Variants in CDH13 observed in about 807,000 individuals in gnomAD.
CDH13 encodes the protein cadherin-13.
In CDH13, 24 loss-of-function variants were observed where a neutral mutation model predicts 63.8. That is an observed-to-expected ratio of 0.38 (90% confidence interval 0.27 to 0.53). The LOEUF (loss-of-function observed/expected upper bound fraction) is 0.53, where lower values mean the gene tolerates loss of function less well. Among genes scored for constraint, CDH13 ranks in the 20% least tolerant of loss-of-function variants. The probability of loss-of-function intolerance (pLI) is 0.85; values close to 1 mark genes in which losing one functional copy is unlikely to be tolerated. For synonymous variants in CDH13, 503 were observed against 355.3 expected (o/e 1.42, Z -4.67); for missense variants, 1,049 against 903.1 (o/e 1.16, Z -2.07).
intron 3 of CDH13, among the ~76,000 whole-genome samples, chr16:83,091,826 A>G (rs1354334886): frequency 2.6e-5 from 4 of 152,298 alleles, no homozygotes; most frequent in Non-Finnish European, 5.9e-5. Context: ...TTGTTTCATG[A>G]TTCATTTTTT....
chr16:82,841,218 G>A (rs942612874), intron 1 of CDH13, among the ~76,000 whole-genome samples: 2 of 152,152 alleles, frequency 1.3e-5, no homozygotes, highest in South Asian at 2.1e-4. Context: ...TATTTGAATG[G>A]CAGCCTCTGC....
intron 8 of CDH13, among the ~76,000 whole-genome samples, chr16:83,653,140 GC>G (rs1262109028): frequency 6.6e-6 from 1 of 152,166 alleles, no homozygotes; most frequent in East Asian, 1.9e-4. Flanking sequence ...GTTGCCAGGG[GC>G]CGGGAGTGGG....
At chr16:83,238,841 T>TTGTC (rs1904288999) in intron 5 of CDH13, among the ~76,000 whole-genome samples, 2 of 152,210 alleles carry the variant, frequency 1.3e-5, no homozygotes, top group South Asian at 4.1e-4. Flanking sequence ...ATGGAGAACT[T>TTGTC]TGTCTGGCAT....
At chr16:83,264,552 A>ATT (rs1907374867) in intron 5 of CDH13, among the ~76,000 whole-genome samples, 1 of 149,760 alleles carries the variant, frequency 6.7e-6, no homozygotes, top group Non-Finnish European at 1.5e-5. Flanking sequence ...ATATATATGT[A>ATT]TGTGTGTGTG....
intron 11 of CDH13, among the ~76,000 whole-genome samples, chr16:83,757,246 A>C (rs867832264): frequency 1.3e-5 from 2 of 152,194 alleles, no homozygotes; most frequent in Non-Finnish European, 2.9e-5. Context: ...GCTCAGAGGA[A>C]AATTCTAGAA....
intron 1 of CDH13, among the ~76,000 whole-genome samples, chr16:82,665,067 C>A (rs1295448107): frequency 6.6e-6 from 1 of 152,178 alleles, no homozygotes; most frequent in Non-Finnish European, 1.5e-5. Context: ...AAATTTGAAT[C>A]ATATGATGTA....
At chr16:82,784,657 A>G (rs1425593387) in intron 1 of CDH13, among the ~76,000 whole-genome samples, 1 of 152,180 alleles carries the variant, frequency 6.6e-6, no homozygotes, top group Non-Finnish European at 1.5e-5. Context: ...GATAAGGGTC[A>G]TAGGGGAAAA....
chr16:83,734,682 T>C (rs1264171098), intron 10 of CDH13, among the ~76,000 whole-genome samples: 5 of 150,676 alleles, frequency 3.3e-5, no homozygotes, highest in Admixed American at 2.0e-4. Flanking sequence ...TGTATACATA[T>C]GTAACTAACC....
At chr16:82,704,624 C>A (rs1332326747) in intron 1 of CDH13, among the ~76,000 whole-genome samples, 1 of 152,156 alleles carries the variant, frequency 6.6e-6, no homozygotes, top group African/African-American at 2.4e-5. Flanking sequence ...GGCAGGCACA[C>A]CTGGGGTCCT....
intron 1 of CDH13, among the ~76,000 whole-genome samples, chr16:82,798,040 A>G (rs989534724): frequency 6.6e-6 from 1 of 152,210 alleles, no homozygotes; most frequent in Admixed American, 6.5e-5. Context: ...TTTCTACCCC[A>G]GGTTGCTCTG....
At chr16:82,877,110 T>C (rs918423583) in intron 2 of CDH13, among the ~76,000 whole-genome samples, 6 of 152,158 alleles carry the variant, frequency 3.9e-5, no homozygotes, top group Non-Finnish European at 8.8e-5. Context: ...AAGATGGAAG[T>C]CAGAATAGAT....
intron 8 of CDH13, among the ~76,000 whole-genome samples, chr16:83,624,755 G>A (rs753475931): frequency 6.6e-6 from 1 of 152,142 alleles, no homozygotes; most frequent in Non-Finnish European, 1.5e-5. Flanking sequence ...AGAAAATGAG[G>A]CCTGTGGTTG....
intron 6 of CDH13, among the ~76,000 whole-genome samples, chr16:83,479,096 A>G (rs2151551393): frequency 6.6e-6 from 1 of 152,318 alleles, no homozygotes; most frequent in East Asian, 1.9e-4. Flanking sequence ...ATTGCTGTCT[A>G]CTCAAGAATG....
intron 4 of CDH13, among the ~76,000 whole-genome samples, chr16:83,193,192 A>T (rs1269267033): frequency 4.5e-4 from 68 of 151,874 alleles, no homozygotes; most frequent in Non-Finnish European, 1.0e-4. Context: ...CGTGGCAGCT[A>T]TGTGGCTTCT....
rs892619863 is a variant in CDH13 at position 83,017,034 on chromosome 16, G to A, written c.158-14976G>A. On this transcript the variant is annotated intron_variant, in intron 2 of 13. Transcript: ENST00000567109. The stretch of plus-strand genomic sequence containing the variant: ...GAACTTCAAATCTCAAGAGTTATTT[G>A]ATAAAAGTTATAGACAGATCAATGA... 2.0e-5 allele frequency among the ~76,000 whole-genome samples: 3 copies of A among 152,178 alleles called. No homozygotes were observed. The East Asian group carries it at 5.8e-4, about 29-fold the overall frequency.
intron 6 of CDH13, among the ~76,000 whole-genome samples, chr16:83,417,750 T>C (rs1228774512): frequency 6.6e-6 from 1 of 152,262 alleles, no homozygotes. Flanking sequence ...TCAGCAGACA[T>C]GTATCTCCTG....
intron 5 of CDH13, among the ~76,000 whole-genome samples, chr16:83,235,892 A>G (rs112176934): frequency 2.0e-5 from 3 of 152,150 alleles, no homozygotes; most frequent in African/African-American, 7.2e-5. Flanking sequence ...CTTGTGTGCT[A>G]TGAAGTGCTA....
intron 1 of CDH13, among the ~76,000 whole-genome samples, chr16:82,654,543 T>G (rs575377858): frequency 6.6e-6 from 1 of 152,228 alleles, no homozygotes; most frequent in African/African-American, 2.4e-5. Flanking sequence ...GGCTTCCTTC[T>G]GTCTTTTTGA....
rs138874537 is a variant in CDH13, at chr16:83,501,538, G to A, written c.960+14883G>A. Reference sequence around the variant, plus strand: ...TTTATGTTGTGCTCAGCATTGGACAGCCACCATGTAAACAATTACGGCGTT... The same window carrying A: ...TTTATGTTGTGCTCAGCATTGGACAACCACCATGTAAACAATTACGGCGTT... On this transcript the variant is annotated intron_variant, in intron 7 of 13. Coordinates refer to ENST00000567109, the MANE Select transcript of CDH13 (RefSeq NM_001257.5). 1.4e-3 allele frequency among the ~76,000 whole-genome samples: 217 copies of A among 152,334 alleles called. 1 individual carries two copies. Among genetic ancestry groups the A allele is most frequent in the Admixed American group, 9.6e-3 (147 of 15,304 alleles).
Sources: gnomAD v4.1 joint callset for allele counts (sites outside exome capture counted in the v4.1 genomes callset) on GRCh38, gnomAD v4.1.1 for gene constraint, MANE v1.5 for transcripts, NCBI Gene and HGNC (gene_info 2026-07-23, HGNC 2026-07-21) for gene names.